FBXW12: variants seen among roughly 807,000 people sequenced by gnomAD.
FBXW12 encodes the protein F-box and WD repeat domain containing 12, also known as F-box/WD repeat-containing protein 12.
A neutral mutation model predicts 55.3 loss-of-function variants in FBXW12; 43 were observed. That is an observed-to-expected ratio of 0.78 (90% CI 0.61 to 1.00). The LOEUF (loss-of-function observed/expected upper bound fraction) is 1.00, where lower values mean the gene tolerates loss of function less well. Ranked by LOEUF, FBXW12 falls within the 50% of genes least tolerant of loss-of-function variation. The pLI, the probability that FBXW12 is intolerant of heterozygous loss-of-function variation, is 0.00. For synonymous variants in FBXW12, 184 were observed against 203.8 expected (o/e 0.90, Z 0.83); for missense variants, 524 against 560.5 (o/e 0.93, Z 0.66).
chr3:48,376,843 T>C (rs990223296), intron 5 of FBXW12, among the ~76,000 whole-genome samples: 1 of 151,522 alleles, frequency 6.6e-6, no homozygotes, highest in Non-Finnish European at 1.5e-5. Context: ...GCATGTTTTC[T>C]ATTGGATTTC....
rs71625870 is a variant in FBXW12, at chr3:48,390,406, C to CTTTTTTTTTTTTTTTTTTTTTTTTTT, written c.1296-4153_1296-4128dup. 3.5e-5 allele frequency among the ~76,000 whole-genome samples: 2 copies of CTTTTTTTTTTTTTTTTTTTTTTTTTT among 57,928 alleles called. 1 individual carries two copies. Among genetic ancestry groups the CTTTTTTTTTTTTTTTTTTTTTTTTTT allele is most frequent in the African/African-American group, 1.5e-4 (2 of 13,166 alleles). 38.0% of individuals were successfully genotyped at this position (57,928 alleles called of 152,430 possible). A position where few individuals can be genotyped will look rare whatever the true frequency, so the allele number is the denominator to read the frequency against. ...TTTTTAATGTCACCTAGGATTTCCT[C>CTTTTTTTTTTTTTTTTTTTTTTTTTT]TTTTTTTTTTTTTTTTTTTTTTTTT... On this transcript the variant is annotated intron_variant, in intron 10 of 10. Transcript: ENST00000296438.
intron 5 of FBXW12, among the ~76,000 whole-genome samples, chr3:48,377,256 A>G (rs1270359638): frequency 1.3e-5 from 2 of 152,216 alleles, no homozygotes; most frequent in Admixed American, 6.5e-5. Context: ...GCCACAGTCA[A>G]TAGGGCTGAC....
chr3:48,390,916 T>C (rs1238907088), intron 10 of FBXW12, among the ~76,000 whole-genome samples: 2 of 152,062 alleles, frequency 1.3e-5, no homozygotes, highest in East Asian at 1.9e-4. Flanking sequence ...TGAAAACTTA[T>C]TGAAGTTGGT....
rs765322940 is a variant in FBXW12 at position 48,378,278 on chromosome 3, G to A, written c.406-39G>A. 42 of 1,485,368 alleles carry A rather than the reference G, an allele frequency of 2.8e-5. 1 individual carries two copies. The highest frequency in any genetic ancestry group is 2.2e-4 in the Admixed American group (13 of 59,758). 92.0% of individuals were successfully genotyped at this position (1,485,368 alleles called of 1,614,324 possible). On this transcript the variant is annotated intron_variant, in intron 5 of 10. Coordinates refer to ENST00000296438, the MANE Select transcript of FBXW12 (RefSeq NM_207102.2). ...AGAATGAAAGCACAGTAGGTGTAAG[G>A]GTTCCTTGAACACAGGTCGTGTTAC...
Position 48,381,963 on chromosome 3 carries a change from C to CT in FBXW12, c.1174dup (p.Tyr392LeufsTer36). The CT allele has an allele frequency of 6.2e-7, 1 of 1,614,158 alleles. No individual in the cohort carries two copies. Among genetic ancestry groups the CT allele is most frequent in the Non-Finnish European group, 8.5e-7 (1 of 1,180,030 alleles). ...CTGGCTATCCTTGGAAGGATCCTTG[C>CT]TATGTGCTCACCACATCCGAGAACT... On this transcript the variant is annotated frameshift_variant, in exon 10 of 11. Transcript: ENST00000296438. LOFTEE classifies it high-confidence loss of function.
intron 2 of FBXW12, 85 bp downstream of exon 2, chr3:48,372,942 GT>G: frequency 8.0e-7 from 1 of 1,256,966 alleles, no homozygotes; most frequent in Non-Finnish European, 1.2e-6. Context: ...ATAGCAGAGG[GT>G]TACACTGAGG....
At chr3:48,380,953 A>G (rs774919046) in intron 8 of FBXW12, 41 bp downstream of exon 8, 5 of 1,516,234 alleles carry the variant, frequency 3.3e-6, no homozygotes, top group South Asian at 1.1e-5. Flanking sequence ...TCTCTTCCTC[A>G]TCACACAGTC....
intron 10 of FBXW12, among the ~76,000 whole-genome samples, chr3:48,389,678 T>C (rs2036894645): frequency 6.6e-6 from 1 of 152,218 alleles, no homozygotes; most frequent in Admixed American, 6.5e-5. Context: ...GTCCAGCCTG[T>C]GCAGAAGTTC....
At chr3:48,374,623 C>G (rs952446515) in intron 4 of FBXW12, among the ~76,000 whole-genome samples, 2 of 151,732 alleles carry the variant, frequency 1.3e-5, no homozygotes, top group African/African-American at 4.8e-5. Flanking sequence ...CCACCATACC[C>G]GACCATATTT....
intron 10 of FBXW12, among the ~76,000 whole-genome samples, chr3:48,384,144 G>T (rs1379627957): frequency 6.6e-6 from 1 of 152,124 alleles, no homozygotes; most frequent in Non-Finnish European, 1.5e-5. Flanking sequence ...AGGGGAATTG[G>T]CATCTTTACT....
intron 7 of FBXW12, 171 bp downstream of exon 7, chr3:48,379,729 C>A: frequency 1.7e-6 from 1 of 598,562 alleles, no homozygotes; most frequent in Non-Finnish European, 2.9e-6. Flanking sequence ...TTTGAAGTAA[C>A]AACATCCAGT....
At chr3:48,384,008 C>G (rs930242551) in intron 10 of FBXW12, among the ~76,000 whole-genome samples, 2 of 152,144 alleles carry the variant, frequency 1.3e-5, no homozygotes, top group African/African-American at 4.8e-5. Flanking sequence ...CTAACTTGTT[C>G]TTTTACAAAA....
intron 2 of FBXW12, 131 bp from the exon 3 acceptor site, chr3:48,373,177 T>G (rs1359657309): frequency 7.4e-7 from 1 of 1,345,044 alleles, no homozygotes. Context: ...ACACTGAGAG[T>G]GCTTTGAGAG....
intron 10 of FBXW12, among the ~76,000 whole-genome samples, chr3:48,387,341 G>A (rs1430856610): frequency 6.6e-6 from 1 of 151,402 alleles, no homozygotes; most frequent in African/African-American, 2.4e-5. Flanking sequence ...TGTCATTTCT[G>A]TGTTTTTTTG....
intron 8 of FBXW12, 55 bp downstream of exon 8, chr3:48,380,967 C>A: frequency 1.4e-6 from 2 of 1,426,298 alleles, no homozygotes; most frequent in South Asian, 1.2e-5. Flanking sequence ...CACAGTCATT[C>A]GTGTTTAGCT....
Position 48,380,920 on chromosome 3 carries a change from G to A in FBXW12, c.985+8G>A. 6.2e-7 allele frequency: 1 copy of A among 1,611,626 alleles called. No homozygotes were observed. Among genetic ancestry groups the A allele is most frequent in the Non-Finnish European group, 8.5e-7 (1 of 1,178,114 alleles). ...GCCAAACAGTCATCCAAGGTAGGCT[G>A]TGCCACATTAGAAACGCTTGTTTCT... On this transcript the variant is annotated splice_region_variant and intron_variant, in intron 8 of 10. Transcript: ENST00000296438.
intron 10 of FBXW12, among the ~76,000 whole-genome samples, chr3:48,385,748 G>A (rs1481390008): frequency 6.6e-6 from 1 of 152,018 alleles, no homozygotes; most frequent in Non-Finnish European, 1.5e-5. Context: ...GTATCTCATT[G>A]CATTTTTATT....
At chr3:48,393,098 C>G (rs2036954881) in intron 10 of FBXW12, among the ~76,000 whole-genome samples, 1 of 151,108 alleles carries the variant, frequency 6.6e-6, no homozygotes, top group Non-Finnish European at 1.5e-5. Context: ...CGGTTTCAAG[C>G]AATTCTTCTG....
intron 6 of FBXW12, 140 bp from the exon 7 acceptor site, chr3:48,379,260 C>T: frequency 1.3e-6 from 1 of 785,316 alleles, no homozygotes; most frequent in Admixed American, 2.1e-5. Flanking sequence ...GTGTCTCAAG[C>T]TAGACTGGTC....
Sources: gnomAD v4.1 joint callset for allele counts (sites outside exome capture counted in the v4.1 genomes callset) on GRCh38, gnomAD v4.1.1 for gene constraint, MANE v1.5 for transcripts, NCBI Gene and HGNC (gene_info 2026-07-23, HGNC 2026-07-21) for gene names.